The following TMEM132D variants were observed in gnomAD, a reference collection of about 807,000 sequenced individuals.
TMEM132D encodes the protein mature OL transmembrane protein.
In TMEM132D, 21 loss-of-function variants were observed where a neutral mutation model predicts 62.3. The ratio of observed to expected loss-of-function variants is 0.34; its 90% confidence interval spans 0.24 to 0.49. The LOEUF is 0.49. Ranked by LOEUF, TMEM132D falls within the 20% of genes least tolerant of loss-of-function variation. TMEM132D has a pLI of 0.99. For missense variants in TMEM132D, 1,346 were observed against 1,402.8 expected, an observed-to-expected ratio of 0.96 and a Z score of 0.65; for synonymous variants, 621 against 575.6, an observed-to-expected ratio of 1.08 and a Z score of -1.13.
At chr12:129,709,686 G>A (rs879885168) in intron 1 of TMEM132D, among the ~76,000 whole-genome samples, 18 of 152,176 alleles carry the variant, frequency 1.2e-4, no homozygotes, top group African/African-American at 3.9e-4. Flanking sequence ...TTTTGTTGTC[G>A]TATTCTTCAG....
At position 129,450,617 on chromosome 12, in the gene TMEM132D, T is replaced by C. The variant is rs1198430467; in HGVS notation, c.1115+80442A>G. The stretch of plus-strand genomic sequence containing the variant: ...AAAAATATTGACATTTATGTGCTAT[T>C]GGCAGCATCAGCTGTGAAACCAGGA... On this transcript the variant is annotated intron_variant, in intron 3 of 8. Transcript: ENST00000422113. Among the ~76,000 whole-genome samples, 3 of 152,134 alleles carry C rather than the reference T, an allele frequency of 2.0e-5. 1 individual carries two copies. Among genetic ancestry groups the C allele is most frequent in the Non-Finnish European group, 4.4e-5 (3 of 68,010 alleles).
intron 1 of TMEM132D, among the ~76,000 whole-genome samples, chr12:129,707,959 G>A (rs140754318): frequency 0.017 from 2,546 of 152,278 alleles, 103 homozygotes; most frequent in East Asian, 0.13. Flanking sequence ...GTTCACACCC[G>A]TAATCCCAGC....
At chr12:129,626,851 G>C (rs1879231829) in intron 2 of TMEM132D, among the ~76,000 whole-genome samples, 1 of 152,060 alleles carries the variant, frequency 6.6e-6, no homozygotes, top group African/African-American at 2.4e-5. Context: ...TCATCACTAA[G>C]GTTTCTGGAA....
In TMEM132D at chr12:129,075,060, C is replaced by CTATGGAGAAAAATATGTAAGTTAATCAA; in HGVS notation, c.2116-29_2116-2dup. On this transcript the variant is annotated splice_acceptor_variant, in intron 8 of 8. Transcript: ENST00000422113. LOFTEE classifies it high-confidence loss of function. Reference sequence around the variant, plus strand: ...GGACCCAGCAACTGATGGCTGCTTCCTATGGAGAAAAATATGTAAGTTAAT... The same window carrying CTATGGAGAAAAATATGTAAGTTAATCAA: ...GGACCCAGCAACTGATGGCTGCTTCCTATGGAGAAAAATATGTAAGTTAATCAATATGGAGAAAAATATGTAAGTTAAT... 1 of 1,598,710 alleles carries CTATGGAGAAAAATATGTAAGTTAATCAA rather than the reference C, an allele frequency of 6.3e-7. No individual in the cohort carries two copies.
chr12:129,781,724 G>A (rs1871126643), intron 1 of TMEM132D, among the ~76,000 whole-genome samples: 1 of 152,188 alleles, frequency 6.6e-6, no homozygotes. Flanking sequence ...TAGTACATGA[G>A]TTGCTTCTCA....
At chr12:129,426,788 G>A (rs147337732) in intron 3 of TMEM132D, among the ~76,000 whole-genome samples, 10 of 152,312 alleles carry the variant, frequency 6.6e-5, no homozygotes, top group African/African-American at 2.2e-4. Flanking sequence ...GAGGAAAACC[G>A]AGGCACAGAG....
chr12:129,801,669 C>T (rs1432256429), intron 1 of TMEM132D, among the ~76,000 whole-genome samples: 9 of 151,914 alleles, frequency 5.9e-5, no homozygotes, highest in East Asian at 3.9e-4. Context: ...TCACCAGCAA[C>T]GGAACAAAGC....
intron 2 of TMEM132D, among the ~76,000 whole-genome samples, chr12:129,552,534 ACTAC>A (rs1198363822): frequency 4.7e-5 from 7 of 147,884 alleles, no homozygotes; most frequent in Non-Finnish European, 9.0e-5. Flanking sequence ...CTAGCATCTA[ACTAC>A]CTACCTATTA....
At chr12:129,313,523 T>A (rs1438200179) in intron 4 of TMEM132D, among the ~76,000 whole-genome samples, 1 of 151,766 alleles carries the variant, frequency 6.6e-6, no homozygotes, top group Non-Finnish European at 1.5e-5. Context: ...CTGTGTAGTA[T>A]TCCATCACAT....
chr12:129,320,568 G>T (rs1413394496), intron 4 of TMEM132D, among the ~76,000 whole-genome samples: 1 of 152,180 alleles, frequency 6.6e-6, no homozygotes, highest in African/African-American at 2.4e-5. Flanking sequence ...CGTAGGCTAG[G>T]TTTTGTTTGC....
chr12:129,134,641 A>G (rs1876502780), intron 5 of TMEM132D, among the ~76,000 whole-genome samples: 1 of 152,172 alleles, frequency 6.6e-6, no homozygotes, highest in African/African-American at 2.4e-5. Flanking sequence ...AAAACTGAAG[A>G]TCCAAGAGAA....
intron 5 of TMEM132D, among the ~76,000 whole-genome samples, chr12:129,092,954 T>C (rs1874980171): frequency 6.6e-6 from 1 of 152,206 alleles, no homozygotes; most frequent in Admixed American, 6.5e-5. Flanking sequence ...GGCTTATTTA[T>C]TGGAAAACAA....
At chr12:129,605,604 T>TATATATAC (rs150550863) in intron 2 of TMEM132D, among the ~76,000 whole-genome samples, 4 of 106,278 alleles carry the variant, frequency 3.8e-5, no homozygotes, top group South Asian at 3.1e-4. Context: ...TATATATATA[T>TATATATAC]ACACACACAT....
chr12:129,752,045 T>C (rs1004459552), intron 1 of TMEM132D, among the ~76,000 whole-genome samples: 3 of 152,180 alleles, frequency 2.0e-5, no homozygotes, highest in Non-Finnish European at 2.9e-5. Flanking sequence ...AAAATGATAA[T>C]GAGAGAAATA....
chr12:129,317,734 G>A (rs149646520), intron 4 of TMEM132D, among the ~76,000 whole-genome samples: 34 of 152,254 alleles, frequency 2.2e-4, no homozygotes, highest in African/African-American at 6.0e-4. Context: ...CCCCAAATAC[G>A]TTTTCCAAGC....
rs1167499158 is a variant in TMEM132D, at chr12:129,622,138, G to A, written c.968+77672C>T. 2.6e-5 allele frequency among the ~76,000 whole-genome samples: 4 copies of A among 152,154 alleles called. No individual in the cohort carries two copies. The East Asian group carries it at 7.7e-4, about 29-fold the overall frequency. ...ATAAAATCCAGGGAAAGTGGAAATG[G>A]TTGAAACAATAAGTGAATCGTTAGG... On this transcript the variant is annotated intron_variant, in intron 2 of 8. Coordinates refer to ENST00000422113, the MANE Select transcript of TMEM132D (RefSeq NM_133448.3).
chr12:129,814,751 C>T (rs773966894), intron 1 of TMEM132D, among the ~76,000 whole-genome samples: 7 of 152,110 alleles, frequency 4.6e-5, no homozygotes, highest in Non-Finnish European at 7.3e-5. Context: ...TGAGCTCTAA[C>T]CACTCTGAGC....
chr12:129,196,145 G>A (rs545765092), intron 5 of TMEM132D, among the ~76,000 whole-genome samples: 2 of 151,950 alleles, frequency 1.3e-5, no homozygotes, highest in African/African-American at 4.8e-5. Flanking sequence ...AAAAAAAAAA[G>A]AGTTTATGGA....
intron 1 of TMEM132D, among the ~76,000 whole-genome samples, chr12:129,755,087 G>A (rs986386627): frequency 6.6e-6 from 1 of 152,174 alleles, no homozygotes; most frequent in South Asian, 2.1e-4. Context: ...TAGGAGAAAG[G>A]CACCTGTGTT....
Sources: allele counts gnomAD v4.1 joint callset (sites outside exome capture counted in the v4.1 genomes callset), GRCh38; gene constraint gnomAD v4.1.1; transcripts MANE v1.5; gene names NCBI Gene and HGNC (gene_info 2026-07-23, HGNC 2026-07-21).